Variants in TRAPPC12 observed in about 807,000 individuals in gnomAD.
TRAPPC12 encodes trafficking protein particle complex subunit 12.
TRAPPC12 carries 61 observed loss-of-function variants against 69.2 expected under a neutral mutation model. The ratio of observed to expected loss-of-function variants is 0.88; its 90% CI spans 0.72 to 1.09. TRAPPC12 has a LOEUF of 1.09. Among genes scored for constraint, TRAPPC12 ranks in the 50% least tolerant of loss-of-function variants. TRAPPC12 has a pLI of 0.00. For synonymous variants in TRAPPC12, 469 were observed against 438.9 expected (o/e 1.07, Z -0.86); for missense variants, 1,101 against 1,016.4 (o/e 1.08, Z -1.13).
intron 5 of TRAPPC12, among the ~76,000 whole-genome samples, chr2:3,431,419 C>G (rs1381920265): frequency 6.6e-6 from 1 of 152,250 alleles, no homozygotes; most frequent in African/African-American, 2.4e-5. Context: ...GGATGCCAGC[C>G]TTTACCCAGC....
intron 5 of TRAPPC12, among the ~76,000 whole-genome samples, chr2:3,434,313 T>C (rs62120506): frequency 0.02 from 3,098 of 152,362 alleles, 39 homozygotes; most frequent in Non-Finnish European, 0.032. Context: ...CTTCCATTTA[T>C]TGTTTTAATT....
chr2:3,478,808 G>A (rs1470948824), intron 10 of TRAPPC12, 38 bp from the exon 11 acceptor site: 3 of 1,594,812 alleles, frequency 1.9e-6, no homozygotes, highest in Middle Eastern at 1.8e-4. Context: ...CAGCTCCTGG[G>A]CTTTCCCCGC....
chr2:3,381,130 A>G lies in TRAPPC12; in HGVS notation c.-5+1254A>G, dbSNP rs374144193. ...CAAATCACTTGGCCTTCTCTGCTGT[A>G]TGATGGAGGTAATAATAATGCTTCA... On this transcript the variant is annotated intron_variant, in intron 1 of 11. Coordinates refer to ENST00000324266, the MANE Select transcript of TRAPPC12 (RefSeq NM_016030.6). Among the ~76,000 whole-genome samples the G allele has an allele frequency of 3.3e-5, 5 of 152,328 alleles. 1 individual carries two copies. Among genetic ancestry groups the G allele is most frequent in the African/African-American group, 1.2e-4 (5 of 41,570 alleles).
chr2:3,388,370 T>C lies in TRAPPC12; in HGVS notation c.747T>C (p.Pro249=), dbSNP rs1015810337. The change falls in exon 2 of 12, where the codon CCT becomes CCC. Residue 249 remains proline (P), a synonymous_variant. Transcript: ENST00000324266. ...GAGSPAPASP[P]PLAVPGTEGR... is the part of the protein sequence containing the mutation. ...GCTCCCCGGCCCCCGCCAGCCCGCC[T>C]CCCCTCGCTGTGCCCGGGACCGAGG... 1.3e-6 allele frequency: 2 copies of C among 1,598,302 alleles called. No homozygotes were observed. Among genetic ancestry groups the C allele is most frequent in the African/African-American group, 2.7e-5 (2 of 73,120 alleles).
At chr2:3,392,255 T>C (rs1433201328) in intron 2 of TRAPPC12, among the ~76,000 whole-genome samples, 1 of 151,668 alleles carries the variant, frequency 6.6e-6, no homozygotes, top group African/African-American at 2.4e-5. Context: ...CCGAATGACT[T>C]GTGTGTTCAC....
chr2:3,402,002 C>A, intron 3 of TRAPPC12, 109 bp downstream of exon 3: 1 of 768,944 alleles, frequency 1.3e-6, no homozygotes, highest in Non-Finnish European at 2.0e-6. Context: ...AAAGCTCTTG[C>A]ACATAAGTAG....
chr2:3,441,697 A>G (rs1236159923), intron 5 of TRAPPC12, among the ~76,000 whole-genome samples: 1 of 149,604 alleles, frequency 6.7e-6, no homozygotes, highest in African/African-American at 2.4e-5. Flanking sequence ...ATTTTCTTAT[A>G]ATAAAATAAT....
chr2:3,410,468 G>A lies in TRAPPC12; in HGVS notation c.1164+8575G>A, dbSNP rs1438212285. ...ATATGAAATCATGGCAAAAGCTGAA[G>A]GCTTTTTATATGATATGTTTTACTA... On this transcript the variant is annotated intron_variant, in intron 3 of 11. Transcript: ENST00000324266. Among the ~76,000 whole-genome samples the A allele has an allele frequency of 2.0e-5, 3 of 152,210 alleles. 1 individual carries two copies. The highest frequency in any genetic ancestry group is 3.9e-4 in the East Asian group (2 of 5,182).
intron 3 of TRAPPC12, among the ~76,000 whole-genome samples, chr2:3,412,324 G>T (rs1320091136): frequency 1.3e-5 from 2 of 152,166 alleles, no homozygotes; most frequent in Non-Finnish European, 2.9e-5. Flanking sequence ...ACTTTGGGAG[G>T]CCGAGGCAGG....
At chr2:3,415,036 T>C (rs1395366276) in intron 3 of TRAPPC12, among the ~76,000 whole-genome samples, 5 of 152,128 alleles carry the variant, frequency 3.3e-5, no homozygotes, top group Admixed American at 2.6e-4. Flanking sequence ...AGTCATGGAT[T>C]TGGTATCCCA....
chr2:3,417,655 T>C (rs1202460366), intron 3 of TRAPPC12, among the ~76,000 whole-genome samples: 1 of 152,132 alleles, frequency 6.6e-6, no homozygotes, highest in African/African-American at 2.4e-5. Flanking sequence ...ACTGAGTGAA[T>C]GAATGAGGAA....
intron 9 of TRAPPC12, among the ~76,000 whole-genome samples, chr2:3,477,192 A>G (rs1266161258): frequency 3.3e-5 from 5 of 152,320 alleles, no homozygotes; most frequent in East Asian, 3.9e-4. Context: ...CATGCGTGAT[A>G]AGAGTGGGTT....
At chr2:3,431,490 C>T (rs988148826) in intron 5 of TRAPPC12, among the ~76,000 whole-genome samples, 1 of 152,196 alleles carries the variant, frequency 6.6e-6, no homozygotes, top group African/African-American at 2.4e-5. Context: ...TAACTATTTA[C>T]GTTAGGGCTT....
intron 1 of TRAPPC12, among the ~76,000 whole-genome samples, chr2:3,385,026 A>C (rs1245460589): frequency 1.3e-5 from 2 of 152,226 alleles, no homozygotes; most frequent in Admixed American, 6.5e-5. Context: ...GAAACCCTTG[A>C]AGTGAAGAAG....
chr2:3,395,694 C>T (rs932950940), intron 2 of TRAPPC12, among the ~76,000 whole-genome samples: 2 of 150,814 alleles, frequency 1.3e-5, no homozygotes, highest in African/African-American at 2.4e-5. Flanking sequence ...TCCAGAGTAG[C>T]TGGGACTACA....
At chr2:3,406,875 T>G (rs1473980330) in intron 3 of TRAPPC12, among the ~76,000 whole-genome samples, 4 of 152,256 alleles carry the variant, frequency 2.6e-5, no homozygotes, top group Admixed American at 2.6e-4. Flanking sequence ...CTGTTATTAA[T>G]AAATATATAC....
chr2:3,394,635 AAGG>A (rs1347228235), intron 2 of TRAPPC12, among the ~76,000 whole-genome samples: 2 of 151,724 alleles, frequency 1.3e-5, no homozygotes, highest in African/African-American at 4.9e-5. Flanking sequence ...TAAAAAAAAA[AAGG>A]GGGGGGAGAT....
chr2:3,420,197 C>A (rs1299227281), intron 3 of TRAPPC12, among the ~76,000 whole-genome samples: 1 of 151,856 alleles, frequency 6.6e-6, no homozygotes, highest in African/African-American at 2.4e-5. Context: ...AAAAAAAAAA[C>A]AACTATCAAC....
rs760250849 is a variant in TRAPPC12, at chr2:3,424,658, G to A, written c.1412G>A (p.Arg471His). Residue 471 changes from arginine to histidine, a missense_variant, in exon 5 of 12, where the codon CGC becomes CAC. Transcript: ENST00000324266. ...YEYYPHVYPG[R>H]RGSMVPFSMR... Reference sequence around the variant, plus strand: ...TACTACCCGCACGTGTACCCTGGGCGCAGGGGTAAGGCCATGGTATTTAAT... The same window carrying A: ...TACTACCCGCACGTGTACCCTGGGCACAGGGGTAAGGCCATGGTATTTAAT... The A allele has an allele frequency of 8.1e-6, 13 of 1,605,132 alleles. No individual in the cohort carries two copies. The highest frequency in any genetic ancestry group is 2.2e-5 in the East Asian group (1 of 44,620).
Sources: gnomAD v4.1 joint callset for allele counts (sites outside exome capture counted in the v4.1 genomes callset) on GRCh38, gnomAD v4.1.1 for gene constraint, MANE v1.5 for transcripts, NCBI Gene and HGNC (gene_info 2026-07-23, HGNC 2026-07-21) for gene names.